NCKAP5: variants seen among roughly 807,000 people sequenced by gnomAD.
NCKAP5 encodes the protein nck-associated protein 5.
A neutral mutation model predicts 167.0 loss-of-function variants in NCKAP5; 92 were observed. The observed-to-expected ratio is 0.55, with a 90% confidence interval of 0.47 to 0.66. The LOEUF (loss-of-function observed/expected upper bound fraction) is 0.66, where lower values mean the gene tolerates loss of function less well. NCKAP5 is among the 30% of genes least tolerant of loss of function. NCKAP5 has a pLI of 0.00. For synonymous variants in NCKAP5, 891 were observed against 877.4 expected (o/e 1.02, Z -0.27); for missense variants, 2,378 against 2,315.0 (o/e 1.03, Z -0.56).
chr2:132,827,275 T>C (rs549833744), intron 11 of NCKAP5, among the ~76,000 whole-genome samples: 83 of 152,298 alleles, frequency 5.4e-4, no homozygotes, highest in African/African-American at 1.8e-3. Context: ...CAACACAAAA[T>C]TTACCATTTC....
At chr2:133,560,624 G>A (rs1051767697) in intron 1 of NCKAP5, among the ~76,000 whole-genome samples, 15 of 152,118 alleles carry the variant, frequency 9.9e-5, no homozygotes, top group African/African-American at 3.6e-4. Context: ...CCAGCAGGTA[G>A]GAAGAGAACA....
At position 133,295,935 on chromosome 2, in the gene NCKAP5, C is replaced by T. The variant is rs16823376; in HGVS notation, c.143+7102G>A. Among the ~76,000 whole-genome samples the T allele has an allele frequency of 9.3e-3, 1,419 of 152,240 alleles. 21 individuals are homozygous for T. Among genetic ancestry groups the T allele is most frequent in the African/African-American group, 0.033 (1,353 of 41,540 alleles). ...ACCTTAAGGTTTTTGATAAAACTGT[C>T]ACCAATTTGACTTATGAAAATTTGA... On this transcript the variant is annotated intron_variant, in intron 4 of 19. Coordinates refer to ENST00000409261, the MANE Select transcript of NCKAP5 (RefSeq NM_207363.3).
intron 4 of NCKAP5, among the ~76,000 whole-genome samples, chr2:133,234,504 G>GAGGA (rs1413731574): frequency 2.0e-5 from 3 of 152,142 alleles, no homozygotes; most frequent in Non-Finnish European, 4.4e-5. Flanking sequence ...GATTCTCCAT[G>GAGGA]AGGAATAAGC....
At chr2:133,189,884 C>T (rs13399506) in intron 5 of NCKAP5, among the ~76,000 whole-genome samples, 28,781 of 152,058 alleles carry the variant, frequency 0.19, 3,360 homozygotes, top group African/African-American at 0.34. Context: ...TGCCCTCTCT[C>T]ACCACTCCTA....
chr2:132,811,606 C>A (rs552269858), intron 11 of NCKAP5, among the ~76,000 whole-genome samples: 34 of 152,108 alleles, frequency 2.2e-4, no homozygotes, highest in South Asian at 2.1e-4. Context: ...CATGCTCCCC[C>A]CAACCCTGCC....
At chr2:133,188,107 G>A (rs1225465117) in intron 5 of NCKAP5, among the ~76,000 whole-genome samples, 1 of 152,056 alleles carries the variant, frequency 6.6e-6, no homozygotes, top group South Asian at 2.1e-4. Flanking sequence ...TGCAGTTGCT[G>A]GTACTGGTTG....
intron 3 of NCKAP5, among the ~76,000 whole-genome samples, chr2:133,388,156 T>TC (rs1250243175): frequency 1.3e-5 from 2 of 151,764 alleles, no homozygotes; most frequent in Non-Finnish European, 1.5e-5. Flanking sequence ...GTTATTTTTT[T>TC]CCCCATTTTT....
At chr2:133,085,009 ATTC>A (rs996626747) in intron 6 of NCKAP5, among the ~76,000 whole-genome samples, 8 of 152,160 alleles carry the variant, frequency 5.3e-5, no homozygotes, top group South Asian at 2.1e-4. Context: ...TCTCCTGCAT[ATTC>A]TTCTTCTTTT....
At chr2:132,830,141 T>A (rs1027461261) in intron 11 of NCKAP5, among the ~76,000 whole-genome samples, 3 of 152,214 alleles carry the variant, frequency 2.0e-5, no homozygotes, top group African/African-American at 7.2e-5. Context: ...ACTTTCTTTC[T>A]ACTTCCTTTC....
Position 133,143,315 on chromosome 2 carries a change from G to A in NCKAP5, c.208-13204C>T, listed in dbSNP as rs555135190. Among the ~76,000 whole-genome samples, 61 of 152,202 alleles carry A rather than the reference G, an allele frequency of 4.0e-4. No individual in the cohort carries two copies. In the South Asian group the frequency reaches 0.012, roughly 29 times the overall value. On this transcript the variant is annotated intron_variant, in intron 5 of 19. Transcript: ENST00000409261. ...ATTACACAGGTTATAACTCATCCAC[G>A]TGCAAATACCTACAACAGAGGCTCT... is the stretch of plus-strand genomic sequence containing the variant.
At position 133,297,166 on chromosome 2, in the gene NCKAP5, A is replaced by AGTGTGTGTGT. The variant is rs60321858; in HGVS notation, c.143+5861_143+5870dup. On this transcript the variant is annotated intron_variant, in intron 4 of 19. Coordinates refer to ENST00000409261, the MANE Select transcript of NCKAP5 (RefSeq NM_207363.3). ...CCTGAACTAGTATACAGGTTGTCACAGTGTGTGTGTGTGTGTGTGTGTGTG... is the reference window on the plus strand; with the variant it reads ...CCTGAACTAGTATACAGGTTGTCACAGTGTGTGTGTGTGTGTGTGTGTGTGTGTGTGTGTG... Among the ~76,000 whole-genome samples the AGTGTGTGTGT allele has an allele frequency of 1.9e-3, 271 of 142,170 alleles. 2 individuals are homozygous for AGTGTGTGTGT. Among genetic ancestry groups the AGTGTGTGTGT allele is most frequent in the Middle Eastern group, 7.1e-3 (2 of 280 alleles). 93.3% of individuals were successfully genotyped at this position (142,170 alleles called of 152,430 possible). A position where few individuals can be genotyped will look rare whatever the true frequency, so the allele number is the denominator to read the frequency against.
intron 3 of NCKAP5, among the ~76,000 whole-genome samples, chr2:133,436,532 G>C (rs115397607): frequency 1.9e-4 from 29 of 152,174 alleles, no homozygotes; most frequent in African/African-American, 6.5e-4. Flanking sequence ...CAAATTCTTT[G>C]ACATTCCCTG....
rs78890911 is a variant in NCKAP5 at position 133,444,237 on chromosome 2, G to A, written c.69+73221C>T. Among the ~76,000 whole-genome samples the A allele has an allele frequency of 7.2e-3, 1,101 of 152,160 alleles. 14 individuals carry two copies. Among genetic ancestry groups the A allele is most frequent in the African/African-American group, 0.025 (1,021 of 41,484 alleles). ...CTCAAGTTTTGGTACCATGGTCTAG[G>A]GAAAGACTCACAGCGTCTTAGGGCT... On this transcript the variant is annotated intron_variant, in intron 3 of 19. Transcript: ENST00000409261.
At chr2:132,674,021 A>C (rs1465785432) in intron 19 of NCKAP5, among the ~76,000 whole-genome samples, 2 of 152,230 alleles carry the variant, frequency 1.3e-5, no homozygotes, top group African/African-American at 4.8e-5. Context: ...TATCATAGGT[A>C]AACCCTGTAA....
At chr2:133,368,840 T>A (rs1483351122) in intron 3 of NCKAP5, among the ~76,000 whole-genome samples, 1 of 152,206 alleles carries the variant, frequency 6.6e-6, no homozygotes, top group Admixed American at 6.5e-5. Context: ...AGTATAACAT[T>A]GCATGACACG....
chr2:132,857,062 T>C (rs1230349915), intron 11 of NCKAP5, among the ~76,000 whole-genome samples: 1 of 152,180 alleles, frequency 6.6e-6, no homozygotes, highest in African/African-American at 2.4e-5. Flanking sequence ...GTTTGTAGAA[T>C]AGAGTCTGAC....
At chr2:133,586,477 T>C in the NCKAP5 span, among the ~76,000 whole-genome samples, 2 of 152,166 alleles carry the variant, frequency 1.3e-5, no homozygotes, top group Non-Finnish European at 2.9e-5. Context: ...TACTTATTAC[T>C]GGGTCACATA....
At chr2:132,737,740 C>T (rs1691652822) in intron 16 of NCKAP5, among the ~76,000 whole-genome samples, 1 of 152,098 alleles carries the variant, frequency 6.6e-6, no homozygotes, top group South Asian at 2.1e-4. Context: ...ATAAGCCTGG[C>T]ACAATGCTTG....
intron 6 of NCKAP5, among the ~76,000 whole-genome samples, chr2:133,129,500 G>A (rs969629728): frequency 6.6e-6 from 1 of 152,186 alleles, no homozygotes; most frequent in African/African-American, 2.4e-5. Context: ...TATCGTTGTT[G>A]GACATTTGGG....
Sources: allele counts gnomAD v4.1 joint callset (sites outside exome capture counted in the v4.1 genomes callset), GRCh38; gene constraint gnomAD v4.1.1; transcripts MANE v1.5; gene names NCBI Gene and HGNC (gene_info 2026-07-23, HGNC 2026-07-21).